The following NBEAL1 variants were observed in gnomAD, a reference collection of about 807,000 sequenced individuals.
The protein encoded by NBEAL1 is neurobeachin like 1.
In NBEAL1, 273 loss-of-function variants were observed where a neutral mutation model predicts 351.3. The observed-to-expected ratio is 0.78, with a 90% CI of 0.70 to 0.86. The LOEUF (loss-of-function observed/expected upper bound fraction) is 0.86, where lower values mean the gene tolerates loss of function less well. NBEAL1 is among the 40% of genes least tolerant of loss of function. NBEAL1 has a pLI of 0.00. For missense variants in NBEAL1, 2,961 were observed against 3,201.3 expected, an observed-to-expected ratio of 0.92 and a Z score of 1.81; for synonymous variants, 1,050 against 1,086.4, an observed-to-expected ratio of 0.97 and a Z score of 0.66.
chr2:203,122,161 T>C, intron 18 of NBEAL1, 93 bp from the exon 19 acceptor site: 1 of 663,932 alleles, frequency 1.5e-6, no homozygotes, highest in Non-Finnish European at 2.5e-6. Flanking sequence ...CTATCCTATA[T>C]TCCTTTTTGT....
intron 49 of NBEAL1, among the ~76,000 whole-genome samples, chr2:203,199,760 C>A (rs1169547349): frequency 6.6e-6 from 1 of 151,944 alleles, no homozygotes; most frequent in Non-Finnish European, 1.5e-5. Flanking sequence ...GGATTATAGG[C>A]CGCCTGGCCC....
chr2:203,188,759 G>C (rs926871373), intron 45 of NBEAL1, among the ~76,000 whole-genome samples, 170 bp downstream of exon 45: 1 of 152,150 alleles, frequency 6.6e-6, no homozygotes, highest in African/African-American at 2.4e-5. Flanking sequence ...GTAGTTAAGT[G>C]TATATATGCC....
intron 17 of NBEAL1, among the ~76,000 whole-genome samples, chr2:203,114,578 G>A (rs1559375964): frequency 6.6e-6 from 1 of 152,070 alleles, no homozygotes; most frequent in Non-Finnish European, 1.5e-5. Flanking sequence ...AAAATTATAT[G>A]TATATTCTAA....
intron 3 of NBEAL1, among the ~76,000 whole-genome samples, chr2:203,045,756 A>G (rs1046023582): frequency 6.6e-6 from 1 of 152,246 alleles, no homozygotes; most frequent in Non-Finnish European, 1.5e-5. Flanking sequence ...AATACTTCAT[A>G]TTAAGCATAA....
intron 54 of NBEAL1, among the ~76,000 whole-genome samples, 191 bp from the exon 55 acceptor site, chr2:203,213,327 C>T (rs2105857763): frequency 6.6e-6 from 1 of 152,208 alleles, no homozygotes; most frequent in East Asian, 1.9e-4. Flanking sequence ...AAAAATCTAT[C>T]AAGTATCTTA....
chr2:203,044,873 G>A (rs1450800732), intron 3 of NBEAL1, among the ~76,000 whole-genome samples: 1 of 152,104 alleles, frequency 6.6e-6, no homozygotes, highest in Non-Finnish European at 1.5e-5. Context: ...GCTGCTTCCT[G>A]TAGTAGACAC....
At chr2:203,104,412 T>C (rs1401006956) in intron 12 of NBEAL1, among the ~76,000 whole-genome samples, 1 of 152,220 alleles carries the variant, frequency 6.6e-6, no homozygotes. Flanking sequence ...TCCATTCCTT[T>C]ACTTTAAGCC....
chr2:203,098,158 G>A (rs1192097971), intron 11 of NBEAL1, among the ~76,000 whole-genome samples: 2 of 151,730 alleles, frequency 1.3e-5, no homozygotes, highest in African/African-American at 4.8e-5. Context: ...GTCTATACAG[G>A]TATAATAAAG....
intron 4 of NBEAL1, among the ~76,000 whole-genome samples, chr2:203,051,723 C>T (rs1396184456): frequency 6.6e-6 from 1 of 151,964 alleles, no homozygotes; most frequent in Non-Finnish European, 1.5e-5. Context: ...GAGGGAAGCA[C>T]TGAAATGCTC....
Position 203,171,966 on chromosome 2 carries a change from C to T in NBEAL1, c.6141C>T (p.Leu2047=), listed in dbSNP as rs1409463595. 10 of 1,607,332 alleles carry T rather than the reference C, an allele frequency of 6.2e-6. No homozygotes were observed. Among genetic ancestry groups the T allele is most frequent in the Non-Finnish European group, 8.5e-6 (10 of 1,177,772 alleles). The part of the protein sequence containing the change: ...VNREISNFDY[L]IQINTMAGRT... ...GAGAGATATCAAATTTTGACTACCT[C>T]ATTCAAATAAATACAATGGCAGGAC... Residue 2047 remains leucine, a synonymous_variant, in exon 40 of 56, where the codon CTC becomes CTT. Coordinates refer to ENST00000683969, the MANE Select transcript of NBEAL1 (RefSeq NM_001378026.1).
chr2:203,122,396 T>G (rs1391465944), intron 19 of NBEAL1, 53 bp downstream of exon 19: 5 of 1,139,870 alleles, frequency 4.4e-6, no homozygotes, highest in Non-Finnish European at 3.8e-6. Context: ...CTGATACTCT[T>G]ATTAAGGATT....
At chr2:203,188,134 A>G (rs901264401) in intron 44 of NBEAL1, among the ~76,000 whole-genome samples, 7 of 152,082 alleles carry the variant, frequency 4.6e-5, no homozygotes, top group African/African-American at 1.4e-4. Flanking sequence ...AACTATTTCA[A>G]TGGAAATTTT....
rs2063189647 is a variant in NBEAL1 at position 203,135,860 on chromosome 2, A to C, written c.3997A>C (p.Lys1333Gln). 1 of 1,614,136 alleles carries C rather than the reference A, an allele frequency of 6.2e-7. No individual in the cohort carries two copies. Among genetic ancestry groups the C allele is most frequent in the Non-Finnish European group, 8.5e-7 (1 of 1,179,988 alleles). Reference protein sequence around the residue: ...NDKNMSTEDTKKNSDEKTDEE... With the variant: ...NDKNMSTEDTQKNSDEKTDEE... ...TAAAAATATGTCAACTGAAGATACCAAGAAGAACTCTGATGAAAAAACAGA... is the reference window on the plus strand; with the variant it reads ...TAAAAATATGTCAACTGAAGATACCCAGAAGAACTCTGATGAAAAAACAGA... Residue 1333 changes from lysine (K) to glutamine (Q), a missense_variant, in exon 28 of 56, where the codon AAG becomes CAG. By Grantham distance (53) the Lys-to-Gln change is moderately conservative (BLOSUM62 1). Coordinates refer to ENST00000683969, the MANE Select transcript of NBEAL1 (RefSeq NM_001378026.1).
intron 3 of NBEAL1, among the ~76,000 whole-genome samples, chr2:203,046,856 T>C (rs1255771794): frequency 6.6e-6 from 1 of 152,126 alleles, no homozygotes; most frequent in African/African-American, 2.4e-5. Flanking sequence ...GCAGTTCACA[T>C]TGAAAGCTCT....
In NBEAL1 at chr2:203,149,010, T is replaced by A; in HGVS notation, c.5324T>A (p.Phe1775Tyr). The change falls in exon 34 of 56, where the codon TTT becomes TAT. Residue 1775 changes from phenylalanine to tyrosine, a missense_variant. Physicochemically the swap from Phe to Tyr is conservative, Grantham distance 22. Coordinates refer to ENST00000683969, the MANE Select transcript of NBEAL1 (RefSeq NM_001378026.1). ...TTTCAGGAGCTGTTTGTGGAGCCAT[T>A]TAATCGAAAAGCACGCCAAGAGAAC... ...LKFQELFVEP[F>Y]NRKARQENLR... The A allele has an allele frequency of 6.2e-7, 1 of 1,609,106 alleles. No individual in the cohort carries two copies. The highest frequency in any genetic ancestry group is 8.5e-7 in the Non-Finnish European group (1 of 1,177,232).
intron 17 of NBEAL1, 72 bp downstream of exon 17, chr2:203,113,390 T>C: frequency 1.3e-6 from 1 of 794,250 alleles, no homozygotes; most frequent in Admixed American, 3.9e-5. Flanking sequence ...TTCTGAAGAA[T>C]ATATTTAGAA....
chr2:203,102,178 C>T (rs942679923), intron 12 of NBEAL1, among the ~76,000 whole-genome samples: 1 of 152,120 alleles, frequency 6.6e-6, no homozygotes, highest in Non-Finnish European at 1.5e-5. Context: ...CAACTTTGCT[C>T]AAGTAGTTTA....
intron 19 of NBEAL1, among the ~76,000 whole-genome samples, chr2:203,123,406 C>T (rs1264608492): frequency 6.7e-6 from 1 of 149,216 alleles, no homozygotes; most frequent in African/African-American, 2.5e-5. Context: ...GATCTCGGCT[C>T]ACTACAACCT....
rs1003793642 is a variant in NBEAL1 at position 203,221,771 on chromosome 2, A to G, written c.*4417A>G. On this transcript the variant is annotated 3_prime_UTR_variant, in exon 56 of 56. Transcript: ENST00000683969. ...TTGACTCCATCCAGAGCATTGTTCT[A>G]TAGAGTTTTCCTGTATTTATCAGAG... Among the ~76,000 whole-genome samples, 2 of 152,216 alleles carry G rather than the reference A, an allele frequency of 1.3e-5. No homozygotes were observed. The highest frequency in any genetic ancestry group is 1.9e-4 in the East Asian group (1 of 5,202).
Sources: gnomAD v4.1 joint callset for allele counts (sites outside exome capture counted in the v4.1 genomes callset) on GRCh38, gnomAD v4.1.1 for gene constraint, MANE v1.5 for transcripts, NCBI Gene and HGNC (gene_info 2026-07-23, HGNC 2026-07-21) for gene names.